Variants in PRKN observed in about 807,000 individuals in gnomAD.
PRKN encodes parkin RBR E3 ubiquitin protein ligase, also known as E3 ubiquitin-protein ligase parkin.
Under a neutral mutation model 59.5 loss-of-function variants are expected in PRKN, and 56 were observed. That is an observed-to-expected ratio of 0.94 (90% CI 0.76 to 1.18). The LOEUF is 1.18. Ranked by LOEUF, PRKN falls within the 50% of genes most tolerant of loss-of-function variation. The probability of loss-of-function intolerance (pLI) is 0.00; values close to 1 mark genes in which losing one functional copy is unlikely to be tolerated. For missense variants in PRKN, 657 were observed against 596.4 expected (o/e 1.10, Z -1.06); for synonymous variants, 250 against 222.1 (o/e 1.13, Z -1.12).
chr6:162,021,452 TATATATATA>T (rs1340776241), intron 5 of PRKN, among the ~76,000 whole-genome samples: 4 of 7,380 alleles, frequency 5.4e-4, no homozygotes, highest in South Asian at 3.2e-3. Context: ...TATATATATA[TATATATATA>T]TTTTTTTTTT....
At chr6:161,991,654 C>T (rs1311487097) in intron 5 of PRKN, among the ~76,000 whole-genome samples, 3 of 151,950 alleles carry the variant, frequency 2.0e-5, no homozygotes, top group Admixed American at 6.6e-5. Flanking sequence ...CCAGCCTGCC[C>T]AACACAGTGA....
At chr6:162,018,285 C>G (rs1175501796) in intron 5 of PRKN, among the ~76,000 whole-genome samples, 1 of 152,166 alleles carries the variant, frequency 6.6e-6, no homozygotes, top group Admixed American at 6.5e-5. Flanking sequence ...CTCGGCCTCC[C>G]AAAGTGCTGG....
intron 1 of PRKN, among the ~76,000 whole-genome samples, chr6:162,465,943 T>C (rs1250061943): frequency 6.6e-6 from 1 of 152,200 alleles, no homozygotes; most frequent in Non-Finnish European, 1.5e-5. Flanking sequence ...TATCTTAATG[T>C]ATTTTTGTAT....
At chr6:162,292,362 TA>T (rs1781474614) in intron 2 of PRKN, among the ~76,000 whole-genome samples, 1 of 152,146 alleles carries the variant, frequency 6.6e-6, no homozygotes. Context: ...AATATTTCAA[TA>T]TATTACCTGA....
intron 2 of PRKN, among the ~76,000 whole-genome samples, chr6:162,276,424 T>C (rs1345565136): frequency 6.6e-6 from 1 of 152,192 alleles, no homozygotes; most frequent in Non-Finnish European, 1.5e-5. Context: ...AACTGCTGTA[T>C]TCTAAAGTCA....
chr6:162,546,132 C>G (rs1779109386), intron 1 of PRKN, among the ~76,000 whole-genome samples: 2 of 121,816 alleles, frequency 1.6e-5, no homozygotes, highest in South Asian at 5.4e-4. Context: ...GAGACAGAGT[C>G]TCACTCTGTT....
At chr6:162,556,342 G>GGGGGGGGT (rs1175202893) in intron 1 of PRKN, among the ~76,000 whole-genome samples, 4 of 57,300 alleles carry the variant, frequency 7.0e-5, no homozygotes, top group Non-Finnish European at 9.9e-5. Context: ...CTACTCAGCT[G>GGGGGGGGT]GTGTGTGTGT....
intron 1 of PRKN, among the ~76,000 whole-genome samples, chr6:162,688,962 T>C (rs540809013): frequency 3.9e-5 from 6 of 152,314 alleles, no homozygotes; most frequent in South Asian, 2.1e-4. Flanking sequence ...AAACCAAAGA[T>C]AGGAGAGACA....
chr6:161,660,734 C>G (rs546852815), intron 7 of PRKN, among the ~76,000 whole-genome samples: 1 of 152,192 alleles, frequency 6.6e-6, no homozygotes, highest in Non-Finnish European at 1.5e-5. Context: ...TTAGACCCTG[C>G]CTTTGCTCTG....
intron 7 of PRKN, among the ~76,000 whole-genome samples, chr6:161,619,487 A>G (rs1782815329): frequency 6.6e-6 from 1 of 152,220 alleles, no homozygotes; most frequent in South Asian, 2.1e-4. Context: ...ATATCTATAT[A>G]ACAATAACTA....
chr6:162,506,516 C>A (rs964362488), intron 1 of PRKN, among the ~76,000 whole-genome samples: 2 of 152,012 alleles, frequency 1.3e-5, no homozygotes, highest in Non-Finnish European at 2.9e-5. Context: ...ATTAAATGTG[C>A]GATATGGAAT....
At chr6:162,565,320 G>A (rs1439125248) in intron 1 of PRKN, among the ~76,000 whole-genome samples, 2 of 152,136 alleles carry the variant, frequency 1.3e-5, no homozygotes, top group African/African-American at 4.8e-5. Context: ...AGAAAAGAAA[G>A]AAGGAAGAGA....
chr6:162,629,649 T>C (rs1354954406), intron 1 of PRKN, among the ~76,000 whole-genome samples: 2 of 152,192 alleles, frequency 1.3e-5, no homozygotes, highest in Non-Finnish European at 2.9e-5. Flanking sequence ...TCTGGTAGCC[T>C]ACGACACGCA....
chr6:162,657,927 G>A (rs1037351329), intron 1 of PRKN, among the ~76,000 whole-genome samples: 2 of 151,954 alleles, frequency 1.3e-5, no homozygotes, highest in East Asian at 3.9e-4. Context: ...CTGCCTCAGA[G>A]GATTATAGGA....
At chr6:161,656,936 G>A (rs1784370660) in intron 7 of PRKN, among the ~76,000 whole-genome samples, 1 of 152,252 alleles carries the variant, frequency 6.6e-6, no homozygotes, top group Non-Finnish European at 1.5e-5. Flanking sequence ...AACGAAGACG[G>A]GGACTCGTAA....
chr6:161,925,514 C>T (rs1206808848), intron 6 of PRKN, among the ~76,000 whole-genome samples: 4 of 151,934 alleles, frequency 2.6e-5, no homozygotes, highest in African/African-American at 9.7e-5. Flanking sequence ...GAGGTTGCAG[C>T]GAGCTGAGAT....
rs1783844546 is a variant in PRKN at position 162,182,574 on chromosome 6, T to TCC, written c.534+18556_534+18557insGG. Among the ~76,000 whole-genome samples the TCC allele has an allele frequency of 2.0e-5, 3 of 152,204 alleles. No individual in the cohort carries two copies. The South Asian group carries it at 6.2e-4, about 32-fold the overall frequency. ...CCAAGCATCATGCAAATCTAACACTTCAGTCTGAAACATGGGATGGCAAGT... is the reference window on the plus strand; with the variant it reads ...CCAAGCATCATGCAAATCTAACACTTCCCAGTCTGAAACATGGGATGGCAAGT... On this transcript the variant is annotated intron_variant, in intron 4 of 11. Coordinates refer to ENST00000366898, the MANE Select transcript of PRKN (RefSeq NM_004562.3).
At chr6:162,041,052 G>T (rs1433077459) in intron 5 of PRKN, among the ~76,000 whole-genome samples, 1 of 151,960 alleles carries the variant, frequency 6.6e-6, no homozygotes, top group African/African-American at 2.4e-5. Context: ...CAGCATGATG[G>T]TATGCGCCTG....
Position 161,552,812 on chromosome 6 carries a change from T to A in PRKN, c.934-3809A>T, listed in dbSNP as rs1407579713. ...GTTTTTGTTTTTTGTTTTTTTTTTT[T>A]AGACGGAGTCTCGTTGTTACGCGGC... On this transcript the variant is annotated intron_variant, in intron 8 of 11. Transcript: ENST00000366898. This position sits in a 1 kb window ranked among gnomAD's most constrained non-coding sequence, Gnocchi z 4.9. Among the ~76,000 whole-genome samples the A allele has an allele frequency of 1.1e-4, 17 of 150,620 alleles. No homozygotes were observed. In the East Asian group the frequency reaches 2.5e-3, roughly 23 times the overall value.
Sources: gnomAD v4.1 joint callset for allele counts (sites outside exome capture counted in the v4.1 genomes callset) on GRCh38, gnomAD v4.1.1 for gene constraint, Gnocchi (gnomAD v3.1) non-coding constraint, MANE v1.5 for transcripts, NCBI Gene and HGNC (gene_info 2026-07-23, HGNC 2026-07-21) for gene names.